Variants in SUGCT observed in about 807,000 individuals in gnomAD.
The protein encoded by SUGCT is succinyl-CoA:glutarate-CoA transferase.
SUGCT carries 41 observed loss-of-function variants against 55.0 expected under a neutral mutation model. The observed-to-expected ratio is 0.74, with a 90% CI of 0.58 to 0.97. The LOEUF (loss-of-function observed/expected upper bound fraction) is 0.97, where lower values mean the gene tolerates loss of function less well. Among genes scored for constraint, SUGCT ranks in the 50% least tolerant of loss-of-function variants. The pLI is 0.00. For missense variants in SUGCT, 568 were observed against 547.8 expected, an observed-to-expected ratio of 1.04 and a Z score of -0.37; for synonymous variants, 187 against 200.4, an observed-to-expected ratio of 0.93 and a Z score of 0.56.
chr7:40,803,323 T>C (rs1468390672), intron 13 of SUGCT, among the ~76,000 whole-genome samples: 2 of 152,190 alleles, frequency 1.3e-5, no homozygotes, highest in African/African-American at 2.4e-5. Flanking sequence ...TTCATGGATA[T>C]TGTTCCATTT....
intron 12 of SUGCT, among the ~76,000 whole-genome samples, chr7:40,733,199 C>T (rs374632483): frequency 1.6e-4 from 25 of 152,310 alleles, no homozygotes; most frequent in East Asian, 1.4e-3. Context: ...GTATTTCCAT[C>T]TCTACCCCTC....
chr7:40,476,877 A>T (rs1790719348), intron 11 of SUGCT, among the ~76,000 whole-genome samples: 1 of 151,588 alleles, frequency 6.6e-6, no homozygotes, highest in Non-Finnish European at 1.5e-5. Context: ...GCCTACTGCA[A>T]CCTCTGCCTC....
At chr7:40,951,329 A>T in the SUGCT span, among the ~76,000 whole-genome samples, 1 of 151,884 alleles carries the variant, frequency 6.6e-6, no homozygotes, top group Non-Finnish European at 1.5e-5. Context: ...TATTGTGTCT[A>T]TTTGATTCTT....
intron 9 of SUGCT, among the ~76,000 whole-genome samples, chr7:40,422,081 T>C (rs1271593832): frequency 1.4e-5 from 2 of 141,684 alleles, no homozygotes; most frequent in Non-Finnish European, 3.1e-5. Flanking sequence ...GTTTGTACCT[T>C]TTTTTTTTTT....
rs150482340 is a variant in SUGCT, at chr7:40,666,256, G to A, written c.1090-83178G>A. ...TCCCAGCTACTCGGGAGGCTGAGGC[G>A]GGAGTATCACTTTTACCTGGGAGGC... On this transcript the variant is annotated intron_variant, in intron 12 of 13. Transcript: ENST00000335693. Among the ~76,000 whole-genome samples the A allele has an allele frequency of 4.7e-3, 720 of 151,678 alleles. 6 individuals are homozygous for A. The highest frequency in any genetic ancestry group is 0.016 in the African/African-American group (658 of 41,322).
chr7:40,257,500 G>T (rs1032357035), intron 7 of SUGCT, among the ~76,000 whole-genome samples: 4 of 152,018 alleles, frequency 2.6e-5, no homozygotes, highest in Non-Finnish European at 5.9e-5. Flanking sequence ...AAAAGAGAAA[G>T]CTTCTTTTTA....
At position 40,835,861 on chromosome 7, in the gene SUGCT, T is replaced by C. The variant is rs1050859239; in HGVS notation, c.1154-24455T>C. 1.3e-5 allele frequency among the ~76,000 whole-genome samples: 2 copies of C among 151,744 alleles called. 1 individual carries two copies. Among genetic ancestry groups the C allele is most frequent in the South Asian group, 4.1e-4 (2 of 4,822 alleles). ...TTTAGTACTTTCCATTTGGAGGAAATCATTAGTATCTTCCATTTTCTTTTT... is the reference window on the plus strand; with the variant it reads ...TTTAGTACTTTCCATTTGGAGGAAACCATTAGTATCTTCCATTTTCTTTTT... On this transcript the variant is annotated intron_variant, in intron 13 of 13. Coordinates refer to ENST00000335693, the MANE Select transcript of SUGCT (RefSeq NM_001193313.2).
chr7:40,549,581 A>G (rs1795192781), intron 12 of SUGCT, among the ~76,000 whole-genome samples: 1 of 152,186 alleles, frequency 6.6e-6, no homozygotes, highest in Non-Finnish European at 1.5e-5. Flanking sequence ...AGACATTAGC[A>G]TAATGTGGTC....
chr7:40,234,799 C>T (rs1788915973), intron 6 of SUGCT, among the ~76,000 whole-genome samples: 4 of 151,938 alleles, frequency 2.6e-5, no homozygotes, highest in African/African-American at 4.8e-5. Flanking sequence ...GTCCCAGCTA[C>T]TGGGGAGGCT....
chr7:40,301,352 TA>T (rs1293419918), intron 8 of SUGCT, among the ~76,000 whole-genome samples: 26 of 152,248 alleles, frequency 1.7e-4, no homozygotes, highest in African/African-American at 7.2e-5. Context: ...TCTCACTTGC[TA>T]TTCTTCAGAT....
chr7:40,305,700 G>T (rs1794815947), intron 8 of SUGCT, among the ~76,000 whole-genome samples: 1 of 151,844 alleles, frequency 6.6e-6, no homozygotes, highest in Non-Finnish European at 1.5e-5. Flanking sequence ...CTTGCTCTGT[G>T]TCCTAGGCTG....
chr7:40,547,161 C>G (rs1051294742), intron 12 of SUGCT, among the ~76,000 whole-genome samples: 1 of 152,086 alleles, frequency 6.6e-6, no homozygotes, highest in African/African-American at 2.4e-5. Flanking sequence ...TGATGTGGTT[C>G]CACTTTGAGG....
chr7:40,380,580 A>G (rs1275823416), intron 9 of SUGCT, among the ~76,000 whole-genome samples: 2 of 152,138 alleles, frequency 1.3e-5, no homozygotes, highest in Non-Finnish European at 2.9e-5. Flanking sequence ...TTTGGGTTGC[A>G]TCGCATCCCC....
chr7:40,738,017 T>C lies in SUGCT; in HGVS notation c.1090-11417T>C, dbSNP rs565103119. Among the ~76,000 whole-genome samples, 13 of 151,168 alleles carry C rather than the reference T, an allele frequency of 8.6e-5. No homozygotes were observed. In the East Asian group the frequency reaches 1.2e-3, roughly 14 times the overall value. ...GAGATCAAGACCATCCTGGCCAACA[T>C]GGTAAAACCCCGTTTCTACTAAAAA... On this transcript the variant is annotated intron_variant, in intron 12 of 13. Coordinates refer to ENST00000335693, the MANE Select transcript of SUGCT (RefSeq NM_001193313.2).
intron 1 of SUGCT, among the ~76,000 whole-genome samples, chr7:40,141,053 C>T (rs910162881): frequency 1.3e-5 from 2 of 151,950 alleles, no homozygotes; most frequent in South Asian, 2.1e-4. Flanking sequence ...TTGTAGATTT[C>T]TTTCACCTTC....
At chr7:40,250,863 G>A (rs375081052) in intron 7 of SUGCT, among the ~76,000 whole-genome samples, 26 of 140,364 alleles carry the variant, frequency 1.9e-4, no homozygotes, top group African/African-American at 6.3e-4. Context: ...TTAAGACGGG[G>A]TCTCACCCTT....
the SUGCT span, among the ~76,000 whole-genome samples, chr7:40,977,785 A>T: frequency 6.6e-6 from 1 of 152,270 alleles, no homozygotes; most frequent in East Asian, 1.9e-4. Context: ...TTAGAGCCAA[A>T]CTGCATTAAA....
At chr7:40,399,001 A>G (rs575049755) in intron 9 of SUGCT, among the ~76,000 whole-genome samples, 110 of 152,268 alleles carry the variant, frequency 7.2e-4, no homozygotes, top group Middle Eastern at 3.4e-3. Flanking sequence ...CACATCTGAC[A>G]TGTCTGATTG....
chr7:40,324,261 A>ATATATATTTATTTATTTATT (rs377215730), intron 9 of SUGCT, among the ~76,000 whole-genome samples: 11 of 99,970 alleles, frequency 1.1e-4, no homozygotes, highest in South Asian at 3.8e-4. Flanking sequence ...AAATATATAT[A>ATATATATTTATTTATTTATT]TATTTATTTT....
Sources: gnomAD v4.1 joint callset for allele counts (sites outside exome capture counted in the v4.1 genomes callset) on GRCh38, gnomAD v4.1.1 for gene constraint, MANE v1.5 for transcripts, NCBI Gene and HGNC (gene_info 2026-07-23, HGNC 2026-07-21) for gene names.